The following ZNF529 variants were observed in gnomAD, a reference collection of about 807,000 sequenced individuals.
ZNF529 encodes the protein zinc finger protein 529.
A neutral mutation model predicts 10.1 loss-of-function variants in ZNF529; 11 were observed. The observed-to-expected ratio is 1.09, with a 90% CI of 0.69 to 1.81. ZNF529 has a LOEUF of 1.81. ZNF529 is among the 40% of genes most tolerant of loss of function. ZNF529 has a pLI of 0.00. For missense variants in ZNF529, 624 were observed against 666.8 expected (o/e 0.94, Z 0.71); for synonymous variants, 204 against 215.7 (o/e 0.95, Z 0.47).
Position 36,572,317 on chromosome 19 carries a change from A to AG in ZNF529, c.14+15_14+16insC. 1.7e-6 allele frequency: 2 copies of AG among 1,185,204 alleles called. No homozygotes were observed. Among genetic ancestry groups the AG allele is most frequent in the East Asian group, 5.7e-5 (2 of 35,214 alleles). 73.4% of individuals were successfully genotyped at this position (1,185,204 alleles called of 1,614,324 possible). A position where few individuals can be genotyped will look rare whatever the true frequency, so the allele number is the denominator to read the frequency against. On this transcript the variant is annotated intron_variant, in intron 2 of 4. Coordinates refer to ENST00000591340, the MANE Select transcript of ZNF529 (RefSeq NM_020951.5). ...AAACCAAGGGACCAGGTAAATGAAC[A>AG]AAAAAAAAAACTAACCTTGAGTTGG... is the stretch of plus-strand genomic sequence containing the variant.
At chr19:36,574,626 A>T (rs2036268552), upstream of ZNF529, among the ~76,000 whole-genome samples, 2 of 152,140 alleles carry the variant, frequency 1.3e-5, no homozygotes, top group Non-Finnish European at 1.5e-5. Context: ...TTCAAAGCAG[A>T]GACAGCCATA....
In ZNF529 at chr19:36,547,153, G is replaced by C; in HGVS notation, c.1405C>G (p.Gln469Glu). Reference protein sequence around the residue: ...FRLTSALIQHQRIHSGEKPYE... With the variant: ...FRLTSALIQHERIHSGEKPYE... ...GGTTTCTCACCACTATGAATTCTTT[G>C]ATGTTGAATAAGGGCTGACGTAAGT... Residue 469 changes from glutamine (Q) to glutamate (E), a missense_variant, in exon 5 of 5, where the codon CAA becomes GAA. Transcript: ENST00000591340. 6.2e-7 allele frequency: 1 copy of C among 1,613,264 alleles called. No homozygotes were observed. The highest frequency in any genetic ancestry group is 8.5e-7 in the Non-Finnish European group (1 of 1,179,444).
chr19:36,577,314 G>A (rs1463508673), upstream of ZNF529: 1 of 339,232 alleles, frequency 2.9e-6, no homozygotes, highest in Non-Finnish European at 5.9e-6. Flanking sequence ...CAGTATATGG[G>A]AAGAGGGAGG....
chr19:36,563,801 A>T (rs552056469), intron 2 of ZNF529, among the ~76,000 whole-genome samples: 1 of 152,348 alleles, frequency 6.6e-6, no homozygotes, highest in Non-Finnish European at 1.5e-5. Context: ...GAACCAAAAA[A>T]GGGTCTGAAT....
chr19:36,565,689 G>A (rs2035869777), intron 2 of ZNF529, among the ~76,000 whole-genome samples: 1 of 152,088 alleles, frequency 6.6e-6, no homozygotes, highest in Non-Finnish European at 1.5e-5. Flanking sequence ...GACAGAGTGA[G>A]ACTCTGTCTC....
chr19:36,594,238 C>T (rs532685536), intron 1 of ZNF529: 1 of 152,308 alleles, frequency 6.6e-6, no homozygotes, highest in South Asian at 2.1e-4. Flanking sequence ...TCCAGTGAGA[C>T]CAATAACACC....
At chr19:36,604,276 C>T (rs1429924951) in intron 1 of ZNF529, among the ~76,000 whole-genome samples, 1 of 152,170 alleles carries the variant, frequency 6.6e-6, no homozygotes, top group African/African-American at 2.4e-5. Flanking sequence ...AATTCCAGCT[C>T]TAACATCTCC....
chr19:36,553,302 A>AT (rs941996964), intron 4 of ZNF529, among the ~76,000 whole-genome samples: 12 of 151,932 alleles, frequency 7.9e-5, no homozygotes, highest in Admixed American at 5.2e-4. Context: ...TGCCCAGCTG[A>AT]TTTTTTTATA....
intron 2 of ZNF529, among the ~76,000 whole-genome samples, chr19:36,585,877 A>G (rs893896327): frequency 2.0e-5 from 3 of 152,370 alleles, no homozygotes; most frequent in Middle Eastern, 3.4e-3. Flanking sequence ...TAGCTGGCTC[A>G]GTAACTATGG....
chr19:36,585,212 A>G (rs990781329), intron 2 of ZNF529, among the ~76,000 whole-genome samples: 2 of 152,236 alleles, frequency 1.3e-5, no homozygotes, highest in Non-Finnish European at 2.9e-5. Flanking sequence ...ACTCAGGCCT[A>G]TCAGTTTCCA....
chr19:36,576,461 G>A (rs978371702), upstream of ZNF529, among the ~76,000 whole-genome samples: 1 of 152,016 alleles, frequency 6.6e-6, no homozygotes, highest in Non-Finnish European at 1.5e-5. Context: ...GCTCACGCCT[G>A]TAATCCCAAC....
chr19:36,574,352 G>C (rs1014518709), upstream of ZNF529, among the ~76,000 whole-genome samples: 12 of 152,184 alleles, frequency 7.9e-5, no homozygotes, highest in African/African-American at 2.9e-4. Context: ...CAGGTAGCAC[G>C]CTTCACAGAG....
At chr19:36,552,003 G>A (rs1490181534) in intron 4 of ZNF529, 2 of 152,148 alleles carry the variant, frequency 1.3e-5, no homozygotes, top group African/African-American at 2.4e-5. Context: ...GAATATGAAT[G>A]AGCATTTTTT....
At chr19:36,576,371 C>G (rs747235830), upstream of ZNF529, among the ~76,000 whole-genome samples, 2 of 152,052 alleles carry the variant, frequency 1.3e-5, no homozygotes, top group African/African-American at 4.8e-5. Context: ...AGTCAGATAA[C>G]GATGTTGCCT....
Position 36,543,746 on chromosome 19 carries a change from T to C in ZNF529, c.*3120A>G, listed in dbSNP as rs1051777003. Reference sequence around the variant, plus strand: ...GTGGACTTTCCTTTGTGTGTGAGCATAGGAAGAGACGTCTCTCCTTCCTCT... The same window carrying C: ...GTGGACTTTCCTTTGTGTGTGAGCACAGGAAGAGACGTCTCTCCTTCCTCT... On this transcript the variant is annotated 3_prime_UTR_variant, in exon 5 of 5. Coordinates refer to ENST00000591340, the MANE Select transcript of ZNF529 (RefSeq NM_020951.5). The C allele has an allele frequency of 2.0e-4, 30 of 152,256 alleles. No individual in the cohort carries two copies. The highest frequency in any genetic ancestry group is 6.0e-4 in the African/African-American group (25 of 41,548). 9.4% of individuals were successfully genotyped at this position (152,256 alleles called of 1,614,324 possible). A position where few individuals can be genotyped will look rare whatever the true frequency, so the allele number is the denominator to read the frequency against.
At chr19:36,574,899 TG>T, upstream of ZNF529, 1 of 471,270 alleles carries the variant, frequency 2.1e-6, no homozygotes, top group Non-Finnish European at 4.4e-6. Context: ...GCTGGGTAAT[TG>T]GTAAGTTTAC....
At chr19:36,577,291 A>G (rs1310831299), upstream of ZNF529, 1 of 380,954 alleles carries the variant, frequency 2.6e-6, no homozygotes, top group Admixed American at 3.0e-5. Flanking sequence ...TAGGTAGATC[A>G]CATTATTATT....
At chr19:36,565,093 CGGGA>C (rs1476104481) in intron 2 of ZNF529, among the ~76,000 whole-genome samples, 3 of 151,846 alleles carry the variant, frequency 2.0e-5, no homozygotes, top group Non-Finnish European at 4.4e-5. Context: ...CTACTAGAGG[CGGGA>C]GGGAGGGAGA....
Position 36,573,263 on chromosome 19 carries a change from T to C in ZNF529, c.-170A>G. The C allele has an allele frequency of 1.3e-5, 4 of 300,888 alleles. No homozygotes were observed. The highest frequency in any genetic ancestry group is 5.0e-5 in the South Asian group (2 of 39,608). 18.6% of individuals were successfully genotyped at this position (300,888 alleles called of 1,614,324 possible). A position where few individuals can be genotyped will look rare whatever the true frequency, so the allele number is the denominator to read the frequency against. On this transcript the variant is annotated 5_prime_UTR_variant, in exon 1 of 5. Coordinates refer to ENST00000591340, the MANE Select transcript of ZNF529 (RefSeq NM_020951.5). ...CTCCCGCAGCCCGGCCCGGGTCACC[T>C]CGACTCGCCAGGCTTAACTCAATAA...
Sources: allele counts gnomAD v4.1 joint callset (sites outside exome capture counted in the v4.1 genomes callset), GRCh38; gene constraint gnomAD v4.1.1; transcripts MANE v1.5; gene names NCBI Gene and HGNC (gene_info 2026-07-23, HGNC 2026-07-21).